The following GFPT2 variants were observed in gnomAD, a reference collection of about 807,000 sequenced individuals.
GFPT2 encodes glutamine--fructose-6-phosphate aminotransferase [isomerizing] 2.
GFPT2 carries 62 observed loss-of-function variants against 85.6 expected under a neutral mutation model. The observed-to-expected ratio is 0.72, with a 90% CI of 0.59 to 0.90. GFPT2 has a LOEUF of 0.90. GFPT2 is among the 40% of genes least tolerant of loss of function. GFPT2 has a pLI of 0.00. For missense variants in GFPT2, 788 were observed against 893.4 expected, an observed-to-expected ratio of 0.88 and a Z score of 1.50; for synonymous variants, 368 against 344.5, an observed-to-expected ratio of 1.07 and a Z score of -0.75.
Position 180,331,499 on chromosome 5 carries a change from A to C in GFPT2, c.395T>G (p.Phe132Cys). 1 of 1,575,908 alleles carries C rather than the reference A, an allele frequency of 6.3e-7. No individual in the cohort carries two copies. The highest frequency in any genetic ancestry group is 8.7e-7 in the Non-Finnish European group (1 of 1,145,128). ...IITNYKDLRKFLESKGYEFES... is the reference protein window; with the variant it reads ...IITNYKDLRKCLESKGYEFES... ...CACCTAGGGGAAGCATCTTACCAGA[A>C]ATTTCCTCAGATCTTTGTAATTTGT... The change falls in exon 5 of 19, where the codon TTT (phenylalanine) becomes TGT (cysteine). Residue 132 changes from phenylalanine (F) to cysteine (C), a missense_variant. Coordinates refer to ENST00000253778, the MANE Select transcript of GFPT2 (RefSeq NM_005110.4).
chr5:180,312,343 C>T, intron 15 of GFPT2, 87 bp downstream of exon 15: 2 of 771,580 alleles, frequency 2.6e-6, no homozygotes, highest in South Asian at 1.5e-5. Flanking sequence ...AAATGAACAA[C>T]ATCCTGTACA....
chr5:180,353,232 G>C lies in GFPT2; in HGVS notation c.-15C>G. 1 of 1,241,504 alleles carries C rather than the reference G, an allele frequency of 8.1e-7. No homozygotes were observed. Among genetic ancestry groups the C allele is most frequent in the Non-Finnish European group, 1.0e-6 (1 of 988,818 alleles). 76.9% of individuals were successfully genotyped at this position (1,241,504 alleles called of 1,614,324 possible). A position where few individuals can be genotyped will look rare whatever the true frequency, so the allele number is the denominator to read the frequency against. On this transcript the variant is annotated 5_prime_UTR_variant, in exon 1 of 19. Transcript: ENST00000253778. ...TCACCGCACATCGTGGCTGCTTCTCGGGCTCCTTCGCGGCTCGAGGGGGTC... is the reference window on the plus strand; with the variant it reads ...TCACCGCACATCGTGGCTGCTTCTCCGGCTCCTTCGCGGCTCGAGGGGGTC...
Position 180,353,272 on chromosome 5 carries a change from C to A in GFPT2, c.-55G>T. On this transcript the variant is annotated 5_prime_UTR_variant, in exon 1 of 19. Transcript: ENST00000253778. ...TCGAGGGGGTCTGCCCGTTCGGACG[C>A]TGGGGCTCCTCCGTGGGCTCCTCCG... 2 of 1,235,904 alleles carry A rather than the reference C, an allele frequency of 1.6e-6. No homozygotes were observed. The highest frequency in any genetic ancestry group is 2.0e-6 in the Non-Finnish European group (2 of 984,586). The allele number at this position is 1,235,904 out of a possible 1,614,324, so 76.6% of individuals were successfully genotyped here.
rs1763676883 is a variant in GFPT2 at position 180,301,731 on chromosome 5, A to C, written c.2005-123T>G. On this transcript the variant is annotated intron_variant, in intron 18 of 18. Transcript: ENST00000253778. ...ATGTTCACCATGGTCACCAACCTAG[A>C]GACCTGCGTCTTGGAGGCAGATTCC... 4 of 785,282 alleles carry C rather than the reference A, an allele frequency of 5.1e-6. No homozygotes were observed. The East Asian group carries it at 9.8e-5, about 19-fold the overall frequency. The allele number at this position is 785,282 out of a possible 1,614,324, so 48.6% of individuals were successfully genotyped here.
chr5:180,308,272 G>A (rs1346616801), intron 15 of GFPT2, among the ~76,000 whole-genome samples: 4 of 150,080 alleles, frequency 2.7e-5, no homozygotes, highest in East Asian at 1.9e-4. Flanking sequence ...AAAAAAAGAA[G>A]AAAAAGAAAG....
chr5:180,329,002 C>T (rs1764260112), intron 6 of GFPT2, among the ~76,000 whole-genome samples: 1 of 152,224 alleles, frequency 6.6e-6, no homozygotes, highest in Non-Finnish European at 1.5e-5. Flanking sequence ...TGTGCAAAGC[C>T]AGAACTAGAA....
intron 1 of GFPT2, among the ~76,000 whole-genome samples, chr5:180,347,650 G>A (rs1273713741): frequency 6.6e-6 from 1 of 152,110 alleles, no homozygotes; most frequent in Non-Finnish European, 1.5e-5. Flanking sequence ...CATCATGAAG[G>A]GGCACGCAGG....
At chr5:180,352,529 G>A (rs1764731865) in intron 1 of GFPT2, 1 of 443,876 alleles carries the variant, frequency 2.3e-6, no homozygotes, top group South Asian at 1.6e-5. Context: ...GGAATCGGAC[G>A]CCCGGCCCCG....
intron 8 of GFPT2, 162 bp from the exon 9 acceptor site, chr5:180,324,467 G>A: frequency 3.3e-6 from 2 of 597,936 alleles, no homozygotes; most frequent in Non-Finnish European, 5.9e-6. Context: ...CAATAGCACA[G>A]TACCACTGCA....
At chr5:180,317,530 C>T (rs958421463) in intron 10 of GFPT2, among the ~76,000 whole-genome samples, 6 of 145,122 alleles carry the variant, frequency 4.1e-5, no homozygotes, top group South Asian at 4.2e-4. Flanking sequence ...GAGGCCGAGG[C>T]GGGCGGATCA....
At position 180,335,808 on chromosome 5, in the gene GFPT2, C is replaced by T. The variant is rs111903378; in HGVS notation, c.340+20G>A. On this transcript the variant is annotated intron_variant, in intron 4 of 18. Coordinates refer to ENST00000253778, the MANE Select transcript of GFPT2 (RefSeq NM_005110.4). ...TCAGGGTGAGGTGGAACCATGGGGA[C>T]GGGGAAGCATGCCACATACCGTTGC... 8.7e-4 allele frequency: 1,398 copies of T among 1,599,650 alleles called. 13 individuals are homozygous for T. In the African/African-American group the frequency reaches 0.017, roughly 19 times the overall value.
At chr5:180,316,577 AG>A (rs1764014210) in intron 12 of GFPT2, 116 bp from the exon 13 acceptor site, 3 of 1,223,240 alleles carry the variant, frequency 2.5e-6, no homozygotes, top group Non-Finnish European at 2.4e-6. Context: ...CCAGGTGGCG[AG>A]GGGACTTCGG....
chr5:180,329,878 T>C (rs926402276), intron 6 of GFPT2, among the ~76,000 whole-genome samples: 2 of 152,152 alleles, frequency 1.3e-5, no homozygotes, highest in Admixed American at 6.5e-5. Flanking sequence ...TGTAGGGGCC[T>C]CCCCTTGGAC....
intron 15 of GFPT2, among the ~76,000 whole-genome samples, chr5:180,311,896 A>G (rs1360380334): frequency 6.6e-6 from 1 of 152,094 alleles, no homozygotes. Context: ...ATGGTTCAGC[A>G]GAGTAAAGAG....
At chr5:180,311,161 G>A (rs1006250582) in intron 15 of GFPT2, among the ~76,000 whole-genome samples, 6 of 152,168 alleles carry the variant, frequency 3.9e-5, no homozygotes, top group African/African-American at 9.6e-5. Context: ...AAGCTCCAGC[G>A]TCCACTCTGT....
chr5:180,321,314 A>G (rs2127651502), intron 9 of GFPT2, among the ~76,000 whole-genome samples: 1 of 152,320 alleles, frequency 6.6e-6, no homozygotes, highest in East Asian at 1.9e-4. Flanking sequence ...GTGTGTTTAT[A>G]TTTATGTGTG....
rs982201197 is a variant in GFPT2, at chr5:180,353,196, G to C, written c.7+15C>G. The stretch of plus-strand genomic sequence containing the variant: ...ACGGCGTGGAGGAGGCGGCTCGGGC[G>C]GGCGCGGCACTCACCGCACATCGTG... On this transcript the variant is annotated intron_variant, in intron 1 of 18. Transcript: ENST00000253778. 3 of 1,235,934 alleles carry C rather than the reference G, an allele frequency of 2.4e-6. No individual in the cohort carries two copies. In the Admixed American group the frequency reaches 1.3e-4, roughly 52 times the overall value. The allele number at this position is 1,235,934 out of a possible 1,614,324, so 76.6% of individuals were successfully genotyped here.
At chr5:180,352,430 G>A in intron 1 of GFPT2, 2 of 455,142 alleles carry the variant, frequency 4.4e-6, no homozygotes, top group Non-Finnish European at 4.4e-6. Flanking sequence ...GCCCAGCCAG[G>A]AGAGTAAAGA....
intron 14 of GFPT2, among the ~76,000 whole-genome samples, chr5:180,312,831 C>T (rs1561873716): frequency 6.6e-6 from 1 of 152,178 alleles, no homozygotes; most frequent in Non-Finnish European, 1.5e-5. Flanking sequence ...GGCTGGAGTG[C>T]AGTGGCTCGA....
Sources: gnomAD v4.1 joint callset for allele counts (sites outside exome capture counted in the v4.1 genomes callset) on GRCh38, gnomAD v4.1.1 for gene constraint, MANE v1.5 for transcripts, NCBI Gene and HGNC (gene_info 2026-07-23, HGNC 2026-07-21) for gene names.